ZCCHC24: variants seen among roughly 807,000 people sequenced by gnomAD.
ZCCHC24 encodes zinc finger CCHC-type containing 24.
A neutral mutation model predicts 26.2 loss-of-function variants in ZCCHC24; 10 were observed. The observed-to-expected ratio is 0.38, with a 90% CI of 0.24 to 0.65. The LOEUF (loss-of-function observed/expected upper bound fraction) is 0.65. Among genes scored for constraint, ZCCHC24 ranks in the 30% least tolerant of loss-of-function variants. The probability of loss-of-function intolerance (pLI) is 0.54; values close to 1 mark genes in which losing one functional copy is unlikely to be tolerated. For missense variants in ZCCHC24, 243 were observed against 329.1 expected (o/e 0.74, Z 2.03); for synonymous variants, 144 against 147.1 (o/e 0.98, Z 0.15).
At chr10:79,427,228 C>G (rs1002716291) in intron 2 of ZCCHC24, among the ~76,000 whole-genome samples, 11 of 152,086 alleles carry the variant, frequency 7.2e-5, no homozygotes, top group African/African-American at 2.7e-4. Context: ...AAGAAATAGA[C>G]AAACAATAAT....
chr10:79,435,430 G>A (rs1043660974), intron 1 of ZCCHC24, among the ~76,000 whole-genome samples: 6 of 152,096 alleles, frequency 3.9e-5, no homozygotes, highest in African/African-American at 1.2e-4. Context: ...GCCTCTAAGC[G>A]GGTGCCCTCT....
chr10:79,443,932 A>G lies in ZCCHC24; in HGVS notation c.246+1263T>C, dbSNP rs534444717. Among the ~76,000 whole-genome samples, 10 of 152,334 alleles carry G rather than the reference A, an allele frequency of 6.6e-5. No individual in the cohort carries two copies. In the South Asian group the frequency reaches 1.0e-3, roughly 16 times the overall value. On this transcript the variant is annotated intron_variant, in intron 1 of 3. Transcript: ENST00000372336. ...CCCAGGTCAACAGGTCAGCCTGGGT[A>G]GTGTTGGCCTTGGGCCAGCATTTTA...
intron 3 of ZCCHC24, among the ~76,000 whole-genome samples, chr10:79,390,714 C>T (rs755895233): frequency 1.3e-5 from 2 of 152,236 alleles, no homozygotes; most frequent in Non-Finnish European, 2.9e-5. Flanking sequence ...GCCTCCCCCA[C>T]TCCCTGCAGC....
At chr10:79,400,369 C>T (rs913872429) in intron 2 of ZCCHC24, among the ~76,000 whole-genome samples, 3 of 152,160 alleles carry the variant, frequency 2.0e-5, no homozygotes, top group African/African-American at 7.2e-5. Context: ...ACGTTATACC[C>T]TTTGGATGAA....
chr10:79,395,597 TA>T (rs1193395629), intron 2 of ZCCHC24, among the ~76,000 whole-genome samples: 1 of 152,224 alleles, frequency 6.6e-6, no homozygotes, highest in Non-Finnish European at 1.5e-5. Flanking sequence ...ATCACCAATC[TA>T]AAAGGTAGAA....
At chr10:79,391,124 C>T (rs1399326135) in intron 3 of ZCCHC24, among the ~76,000 whole-genome samples, 2 of 152,162 alleles carry the variant, frequency 1.3e-5, no homozygotes, top group East Asian at 3.9e-4. Context: ...CCTTTTGGGG[C>T]CTCAGTGTCC....
At chr10:79,407,052 AG>A (rs1344376787) in intron 2 of ZCCHC24, among the ~76,000 whole-genome samples, 2 of 152,168 alleles carry the variant, frequency 1.3e-5, no homozygotes, top group African/African-American at 4.8e-5. Flanking sequence ...CCCTTGCCCC[AG>A]GGCTCCTCTT....
rs183161770 is a variant in ZCCHC24, at chr10:79,395,664, T to C, written c.448-1224A>G. On this transcript the variant is annotated intron_variant, in intron 2 of 3. Transcript: ENST00000372336. ...TCTTTTATTATGAGCAAGAGTGAAT[T>C]TGCCATGCATTTAAGACTCACTTGT... Among the ~76,000 whole-genome samples, 351 of 152,354 alleles carry C rather than the reference T, an allele frequency of 2.3e-3. 3 individuals are homozygous for C. The highest frequency in any genetic ancestry group is 9.7e-3 in the South Asian group (47 of 4,834).
Position 79,408,818 on chromosome 10 carries a change from C to T in ZCCHC24, c.448-14378G>A, listed in dbSNP as rs180915221. On this transcript the variant is annotated intron_variant, in intron 2 of 3. Coordinates refer to ENST00000372336, the MANE Select transcript of ZCCHC24 (RefSeq NM_153367.4). ...TTCTGACCTCCTTCCTGTCCCTGACCCAGTCCCTACACACTGCCACCAGCA... is the reference window on the plus strand; with the variant it reads ...TTCTGACCTCCTTCCTGTCCCTGACTCAGTCCCTACACACTGCCACCAGCA... Among the ~76,000 whole-genome samples the T allele has an allele frequency of 6.5e-4, 99 of 152,118 alleles. 1 individual carries two copies. Among genetic ancestry groups the T allele is most frequent in the Non-Finnish European group, 3.8e-4 (26 of 68,028 alleles).
chr10:79,417,737 GC>G (rs1260680755), intron 2 of ZCCHC24, among the ~76,000 whole-genome samples: 2 of 152,164 alleles, frequency 1.3e-5, no homozygotes, highest in Non-Finnish European at 2.9e-5. Flanking sequence ...TGCTCCGTGA[GC>G]CAGGCATGAG....
rs1856387709 is a variant in ZCCHC24 at position 79,386,096 on chromosome 10, T to G, written c.*249A>C. 1.7e-6 allele frequency: 1 copy of G among 584,640 alleles called. No individual in the cohort carries two copies. The highest frequency in any genetic ancestry group is 3.1e-6 in the Non-Finnish European group (1 of 320,466). The allele number at this position is 584,640 out of a possible 1,614,324, so 36.2% of individuals were successfully genotyped here. A position where few individuals can be genotyped will look rare whatever the true frequency, so the allele number is the denominator to read the frequency against. Reference sequence around the variant, plus strand: ...TTTTGCTTGCCTTTGTCCCCTCCACTGAGACCCCAGGCCCGCCTGCAAAAA... The same window carrying G: ...TTTTGCTTGCCTTTGTCCCCTCCACGGAGACCCCAGGCCCGCCTGCAAAAA... On this transcript the variant is annotated 3_prime_UTR_variant, in exon 4 of 4. Transcript: ENST00000372336.
At chr10:79,410,088 A>G (rs779485705) in intron 2 of ZCCHC24, among the ~76,000 whole-genome samples, 56 of 152,170 alleles carry the variant, frequency 3.7e-4, no homozygotes, top group Admixed American at 1.2e-3. Context: ...TCTGTGCCTC[A>G]CTCAGAGCCT....
chr10:79,445,417 G>T lies in ZCCHC24; in HGVS notation c.24C>A (p.Asp8Glu). 6.7e-7 allele frequency: 1 copy of T among 1,485,532 alleles called. No individual in the cohort carries two copies. The highest frequency in any genetic ancestry group is 9.0e-7 in the Non-Finnish European group (1 of 1,114,598). 92.0% of individuals were successfully genotyped at this position (1,485,532 alleles called of 1,614,324 possible). A position where few individuals can be genotyped will look rare whatever the true frequency, so the allele number is the denominator to read the frequency against. Residue 8 changes from aspartate (D) to glutamate (E), a missense_variant, in exon 1 of 4, where the codon GAC (aspartate) becomes GAA (glutamate). Physicochemically the swap from Asp to Glu is conservative, Grantham distance 45. Coordinates refer to ENST00000372336, the MANE Select transcript of ZCCHC24 (RefSeq NM_153367.4). MSLLSAI[D>E]TSAASVYQPA... Reference sequence around the variant, plus strand: ...GCTGGTACACCGAGGCGGCGCTCGTGTCGATGGCCGACAGCAGGCTCATTT... The same window carrying T: ...GCTGGTACACCGAGGCGGCGCTCGTTTCGATGGCCGACAGCAGGCTCATTT...
At chr10:79,417,089 C>A (rs1479294296) in intron 2 of ZCCHC24, among the ~76,000 whole-genome samples, 1 of 152,238 alleles carries the variant, frequency 6.6e-6, no homozygotes, top group Non-Finnish European at 1.5e-5. Flanking sequence ...AGCCTTCCCC[C>A]TCCCCGGGAT....
Position 79,445,314 on chromosome 10 carries a change from CG to C in ZCCHC24, c.126del (p.Glu43SerfsTer42). 6.6e-7 allele frequency: 1 copy of C among 1,505,846 alleles called. No homozygotes were observed. Among genetic ancestry groups the C allele is most frequent in the Non-Finnish European group, 8.9e-7 (1 of 1,127,842 alleles). 93.3% of individuals were successfully genotyped at this position (1,505,846 alleles called of 1,614,324 possible). A position where few individuals can be genotyped will look rare whatever the true frequency, so the allele number is the denominator to read the frequency against. ...HQASAFDAFR[P>X]EPTAGAAPPE... Reference sequence around the variant, plus strand: ...GGGGGTGCGGCGCCGGCGGTCGGCTCGGGCCGGAAGGCATCGAAGGCGCTAG... The same window carrying C: ...GGGGGTGCGGCGCCGGCGGTCGGCTCGGCCGGAAGGCATCGAAGGCGCTAG... On this transcript the variant is annotated frameshift_variant, in exon 1 of 4. Coordinates refer to ENST00000372336, the MANE Select transcript of ZCCHC24 (RefSeq NM_153367.4). LOFTEE classifies it high-confidence loss of function.
chr10:79,428,453 TTTCAGTTTTGCAAGATAA>T (rs1466877016), intron 2 of ZCCHC24, among the ~76,000 whole-genome samples: 2 of 46,330 alleles, frequency 4.3e-5, no homozygotes, highest in African/African-American at 1.5e-4. Context: ...GCAAGATAAA[TTTCAGTTTTGCAAGATAA>T]ATTTCAGTTT....
At chr10:79,409,503 T>C (rs1856762769) in intron 2 of ZCCHC24, among the ~76,000 whole-genome samples, 1 of 152,208 alleles carries the variant, frequency 6.6e-6, no homozygotes. Context: ...TCCCCTCTGA[T>C]TCCCTGGGCC....
Position 79,386,316 on chromosome 10 carries a change from G to C in ZCCHC24, c.*29C>G, listed in dbSNP as rs1411478769. 1.2e-6 allele frequency: 2 copies of C among 1,600,194 alleles called. No homozygotes were observed. The highest frequency in any genetic ancestry group is 2.2e-5 in the East Asian group (1 of 44,614). On this transcript the variant is annotated 3_prime_UTR_variant, in exon 4 of 4. Coordinates refer to ENST00000372336, the MANE Select transcript of ZCCHC24 (RefSeq NM_153367.4). ...GCAGCGTCTCCTCGGGCTGGCGGGG[G>C]GTGGCTCTGGGTGCGGGCGGGCAGC...
chr10:79,430,773 G>A (rs1327819445), intron 2 of ZCCHC24, among the ~76,000 whole-genome samples: 2 of 151,662 alleles, frequency 1.3e-5, no homozygotes, highest in Non-Finnish European at 2.9e-5. Context: ...GGTCACCCTG[G>A]GGGAGGCCCT....
Sources: gnomAD v4.1 joint callset for allele counts (sites outside exome capture counted in the v4.1 genomes callset) on GRCh38, gnomAD v4.1.1 for gene constraint, MANE v1.5 for transcripts, NCBI Gene and HGNC (gene_info 2026-07-23, HGNC 2026-07-21) for gene names.